Variants in LIMCH1 observed in about 807,000 individuals in gnomAD.
LIMCH1 encodes the protein LIM and calponin homology domains 1.
Under a neutral mutation model 176.5 loss-of-function variants are expected in LIMCH1, and 113 were observed. That is an observed-to-expected ratio of 0.64 (90% CI 0.55 to 0.75). LIMCH1 has a LOEUF of 0.75. LIMCH1 is among the 30% of genes least tolerant of loss of function. The probability of loss-of-function intolerance (pLI) is 0.00; values close to 1 mark genes in which losing one functional copy is unlikely to be tolerated. For synonymous variants in LIMCH1, 619 were observed against 645.9 expected, an observed-to-expected ratio of 0.96 and a Z score of 0.63; for missense variants, 1,674 against 1,814.9, an observed-to-expected ratio of 0.92 and a Z score of 1.41.
At chr4:41,614,404 G>T (rs1276304245) in intron 5 of LIMCH1, among the ~76,000 whole-genome samples, 2 of 152,146 alleles carry the variant, frequency 1.3e-5, no homozygotes, top group Non-Finnish European at 2.9e-5. Context: ...CTTTTAGAAG[G>T]AAAGATGGTT....
chr4:41,612,920 C>A, intron 4 of LIMCH1: 1 of 1,445,958 alleles, frequency 6.9e-7, no homozygotes, highest in Non-Finnish European at 9.1e-7. Context: ...AATTTCCCTT[C>A]AAGGTAGCAG....
chr4:41,634,817 T>A (rs935117096), intron 13 of LIMCH1, among the ~76,000 whole-genome samples: 5 of 152,212 alleles, frequency 3.3e-5, no homozygotes, highest in Admixed American at 2.0e-4. Context: ...AAAAGCTGCG[T>A]GAGTGGATCA....
chr4:41,448,227 C>A (rs573549808), intron 1 of LIMCH1, among the ~76,000 whole-genome samples: 27 of 152,302 alleles, frequency 1.8e-4, no homozygotes, highest in African/African-American at 5.8e-4. Flanking sequence ...TAGGAGGTAA[C>A]TTTCCTGTAT....
intron 20 of LIMCH1, among the ~76,000 whole-genome samples, chr4:41,666,307 TC>T (rs1484499571): frequency 2.0e-5 from 3 of 152,222 alleles, no homozygotes; most frequent in Non-Finnish European, 4.4e-5. Flanking sequence ...AATATTGTCT[TC>T]TGGTTTGGAG....
At chr4:41,470,743 A>G (rs1470739530) in intron 1 of LIMCH1, among the ~76,000 whole-genome samples, 2 of 151,818 alleles carry the variant, frequency 1.3e-5, no homozygotes, top group African/African-American at 4.8e-5. Context: ...TTCTGACTTA[A>G]TGGTTGGCTG....
At chr4:41,420,773 T>C (rs920341683) in intron 1 of LIMCH1, among the ~76,000 whole-genome samples, 3 of 152,220 alleles carry the variant, frequency 2.0e-5, no homozygotes, top group Non-Finnish European at 4.4e-5. Flanking sequence ...AAGAGATGGC[T>C]TTGGCCTGGA....
chr4:41,650,750 A>T, intron 18 of LIMCH1, 142 bp downstream of exon 18: 1 of 707,146 alleles, frequency 1.4e-6, no homozygotes, highest in Admixed American at 2.9e-5. Flanking sequence ...TAAGTACCAC[A>T]AACTCAGTGG....
Position 41,564,661 on chromosome 4 carries a change from G to A in LIMCH1, c.-241+26311G>A, listed in dbSNP as rs139812273. ...CTGATGTCAGTTCTCACTATAAGCC[G>A]TTGAGTCTAGGAAATCCAAATTACC... On this transcript the variant is annotated intron_variant, in intron 1 of 31. Coordinates refer to ENST00000503057, the MANE Select transcript of LIMCH1 (RefSeq NM_001330672.2). Among the ~76,000 whole-genome samples, 626 of 152,264 alleles carry A rather than the reference G, an allele frequency of 4.1e-3. 17 individuals are homozygous for A. Among genetic ancestry groups the A allele is most frequent in the Admixed American group, 0.036 (552 of 15,300 alleles).
chr4:41,574,039 C>G (rs141284050), intron 1 of LIMCH1, among the ~76,000 whole-genome samples: 4 of 152,200 alleles, frequency 2.6e-5, no homozygotes, highest in Non-Finnish European at 4.4e-5. Context: ...TCAAACAAAA[C>G]TCTTTCCTAT....
At chr4:41,614,889 T>A (rs2091895177) in intron 5 of LIMCH1, among the ~76,000 whole-genome samples, 3 of 152,228 alleles carry the variant, frequency 2.0e-5, no homozygotes, top group South Asian at 4.1e-4. Context: ...GCTCTTAAGC[T>A]TAATTTACCC....
intron 13 of LIMCH1, among the ~76,000 whole-genome samples, chr4:41,637,458 G>T (rs1405942473): frequency 6.6e-6 from 1 of 152,192 alleles, no homozygotes; most frequent in Non-Finnish European, 1.5e-5. Context: ...CCAAAGTGCT[G>T]GGATTACAAG....
intron 5 of LIMCH1, among the ~76,000 whole-genome samples, chr4:41,614,927 G>A (rs935920217): frequency 2.0e-5 from 3 of 152,140 alleles, no homozygotes; most frequent in Non-Finnish European, 2.9e-5. Context: ...CCTAATAGAT[G>A]TTTTATTCTG....
At chr4:41,549,391 C>T (rs1003072837) in intron 1 of LIMCH1, among the ~76,000 whole-genome samples, 2 of 152,150 alleles carry the variant, frequency 1.3e-5, no homozygotes, top group Non-Finnish European at 2.9e-5. Context: ...ATGTGAAGTC[C>T]GTGCTCATGG....
intron 1 of LIMCH1, among the ~76,000 whole-genome samples, chr4:41,383,409 A>G (rs1466138797): frequency 6.6e-6 from 1 of 152,204 alleles, no homozygotes; most frequent in Non-Finnish European, 1.5e-5. Flanking sequence ...TGAAGACCTC[A>G]TGAGGAGCGA....
chr4:41,468,717 CA>C, intron 1 of LIMCH1, among the ~76,000 whole-genome samples: 1 of 151,924 alleles, frequency 6.6e-6, no homozygotes, highest in Non-Finnish European at 1.5e-5. Context: ...CGTTTTCTGT[CA>C]TTCAGGTAAG....
At chr4:41,411,922 A>G (rs1459100488) in intron 1 of LIMCH1, among the ~76,000 whole-genome samples, 1 of 131,964 alleles carries the variant, frequency 7.6e-6, no homozygotes, top group African/African-American at 2.8e-5. Flanking sequence ...TCTGCACTGC[A>G]CTACAGCCTA....
chr4:41,367,023 G>C (rs916861870), intron 1 of LIMCH1, among the ~76,000 whole-genome samples: 14 of 152,182 alleles, frequency 9.2e-5, no homozygotes, highest in African/African-American at 3.4e-4. Flanking sequence ...GAGAGCAAGC[G>C]AAGAGGGAAC....
intron 1 of LIMCH1, among the ~76,000 whole-genome samples, chr4:41,566,924 A>G (rs1248848114): frequency 6.6e-6 from 1 of 151,356 alleles, no homozygotes; most frequent in Non-Finnish European, 1.5e-5. Flanking sequence ...CAGCTTCATC[A>G]TGAGGACTGA....
intron 1 of LIMCH1, among the ~76,000 whole-genome samples, chr4:41,391,692 T>C (rs997747606): frequency 4.6e-5 from 7 of 152,124 alleles, no homozygotes; most frequent in African/African-American, 1.7e-4. Context: ...AGGGACATTC[T>C]ACAAAGTATC....
Sources: allele counts gnomAD v4.1 joint callset (sites outside exome capture counted in the v4.1 genomes callset), GRCh38; gene constraint gnomAD v4.1.1; transcripts MANE v1.5; gene names NCBI Gene and HGNC (gene_info 2026-07-23, HGNC 2026-07-21).